The following MBNL2 variants were observed in gnomAD, a reference collection of about 807,000 sequenced individuals.
The protein encoded by MBNL2 is muscleblind-like protein 2.
A neutral mutation model predicts 41.9 loss-of-function variants in MBNL2; 17 were observed. The observed-to-expected ratio is 0.41, with a 90% CI of 0.28 to 0.61. The LOEUF (loss-of-function observed/expected upper bound fraction) is 0.61. Among genes scored for constraint, MBNL2 ranks in the 20% least tolerant of loss-of-function variants. The pLI, the probability that MBNL2 is intolerant of heterozygous loss-of-function variation, is 0.35. For missense variants in MBNL2, 336 were observed against 505.6 expected (o/e 0.66, Z 3.22); for synonymous variants, 195 against 182.9 (o/e 1.07, Z -0.53).
intron 2 of MBNL2, among the ~76,000 whole-genome samples, chr13:97,277,648 A>G (rs1421872388): frequency 6.6e-6 from 1 of 152,236 alleles, no homozygotes; most frequent in Non-Finnish European, 1.5e-5. Flanking sequence ...CAATACACTC[A>G]AAGCAGGAAA....
At chr13:97,159,729 C>A in the MBNL2 span, among the ~76,000 whole-genome samples, 5 of 151,624 alleles carry the variant, frequency 3.3e-5, no homozygotes, top group East Asian at 9.7e-4. Flanking sequence ...TTGGCCCCCA[C>A]TCTCTTCTGG....
At chr13:97,249,749 A>G (rs918400087) in intron 1 of MBNL2, among the ~76,000 whole-genome samples, 1 of 152,164 alleles carries the variant, frequency 6.6e-6, no homozygotes, top group Non-Finnish European at 1.5e-5. Flanking sequence ...ATATCTGAGA[A>G]GGTTTTTCAT....
intron 3 of MBNL2, among the ~76,000 whole-genome samples, chr13:97,339,166 T>C (rs1182073837): frequency 3.1e-4 from 1 of 3,258 alleles, no homozygotes; most frequent in Non-Finnish European, 1.0e-3. Context: ...GTGCTGTGAA[T>C]GTGTATGAGT....
the MBNL2 span, among the ~76,000 whole-genome samples, chr13:97,211,984 G>A: frequency 6.6e-6 from 1 of 152,064 alleles, no homozygotes; most frequent in Non-Finnish European, 1.5e-5. Context: ...GGGGAGATGG[G>A]GAAATATCTA....
chr13:97,356,893 A>G (rs770038102), intron 6 of MBNL2, 44 bp downstream of exon 6: 23 of 1,247,244 alleles, frequency 1.8e-5, no homozygotes, highest in Non-Finnish European at 2.3e-5. Flanking sequence ...AGCTTTTCAG[A>G]GAACCATCTG....
intron 1 of MBNL2, among the ~76,000 whole-genome samples, chr13:97,236,789 TGAAAG>T (rs2043363834): frequency 6.6e-6 from 1 of 152,188 alleles, no homozygotes; most frequent in Admixed American, 6.5e-5. Context: ...ATTAGAAACT[TGAAAG>T]GAAATGATCA....
chr13:97,354,529 A>T (rs893938931), intron 5 of MBNL2, among the ~76,000 whole-genome samples: 1 of 152,182 alleles, frequency 6.6e-6, no homozygotes, highest in Admixed American at 6.5e-5. Flanking sequence ...TGGTAGAAAG[A>T]GATACACGTC....
chr13:97,332,783 C>A (rs2060536234), intron 2 of MBNL2, among the ~76,000 whole-genome samples: 1 of 152,196 alleles, frequency 6.6e-6, no homozygotes, highest in African/African-American at 2.4e-5. Flanking sequence ...GTTGGCATTA[C>A]CCATTGTTAT....
chr13:97,247,616 G>C (rs2045723191), intron 1 of MBNL2, among the ~76,000 whole-genome samples: 1 of 152,162 alleles, frequency 6.6e-6, no homozygotes, highest in Admixed American at 6.5e-5. Flanking sequence ...TGGTTATTGA[G>C]GCAGTGGTGT....
intron 1 of MBNL2, among the ~76,000 whole-genome samples, chr13:97,263,460 C>T (rs922538296): frequency 6.6e-6 from 1 of 152,120 alleles, no homozygotes; most frequent in African/African-American, 2.4e-5. Flanking sequence ...TAATGAGGAC[C>T]ACACTACCCT....
chr13:97,267,414 T>C (rs1377050229), intron 1 of MBNL2, among the ~76,000 whole-genome samples: 1 of 152,224 alleles, frequency 6.6e-6, no homozygotes, highest in East Asian at 1.9e-4. Context: ...CGGCACATCC[T>C]TTGGCATTTC....
chr13:97,210,571 A>ATTTTTTTTTT, the MBNL2 span, among the ~76,000 whole-genome samples: 33 of 65,466 alleles, frequency 5.0e-4, 3 homozygotes, highest in African/African-American at 2.0e-3. Context: ...ACAACTGTGA[A>ATTTTTTTTTT]TTTTTTTTTT....
At chr13:97,177,699 C>A in the MBNL2 span, among the ~76,000 whole-genome samples, 1 of 151,988 alleles carries the variant, frequency 6.6e-6, no homozygotes. Context: ...CTGTTAGATA[C>A]AAAGACTGAA....
chr13:97,336,674 TACC>T, intron 3 of MBNL2, among the ~76,000 whole-genome samples: 1 of 152,284 alleles, frequency 6.6e-6, no homozygotes, highest in African/African-American at 2.4e-5. Flanking sequence ...AGGGCAGTCC[TACC>T]AACACCTTGA....
At chr13:97,348,267 C>T (rs1335631542) in intron 5 of MBNL2, among the ~76,000 whole-genome samples, 2 of 151,728 alleles carry the variant, frequency 1.3e-5, no homozygotes, top group Admixed American at 6.6e-5. Context: ...ACCATGTTGT[C>T]CAGGCTAGTC....
intron 7 of MBNL2, among the ~76,000 whole-genome samples, chr13:97,364,719 C>T (rs2063713887): frequency 6.6e-6 from 1 of 152,190 alleles, no homozygotes; most frequent in Admixed American, 6.5e-5. Flanking sequence ...TAGCCTTCCC[C>T]TTGACCCACA....
chr13:97,187,703 C>T, the MBNL2 span, among the ~76,000 whole-genome samples: 5 of 150,054 alleles, frequency 3.3e-5, no homozygotes, highest in Admixed American at 6.7e-5. Flanking sequence ...GTCAGGAGAT[C>T]GAGACCATCC....
chr13:97,200,286 G>A, the MBNL2 span, among the ~76,000 whole-genome samples: 1 of 152,236 alleles, frequency 6.6e-6, no homozygotes, highest in Admixed American at 6.5e-5. Flanking sequence ...TACCAGGTGA[G>A]CTGGTCGATT....
At chr13:97,220,278 ATCAAC>A (rs2040744041), upstream of MBNL2, among the ~76,000 whole-genome samples, 3 of 152,352 alleles carry the variant, frequency 2.0e-5, no homozygotes, top group South Asian at 6.2e-4. Flanking sequence ...AGATGGAAAA[ATCAAC>A]TCAGGCAAGC....
Sources: allele counts gnomAD v4.1 joint callset (sites outside exome capture counted in the v4.1 genomes callset), GRCh38; gene constraint gnomAD v4.1.1; transcripts MANE v1.5; gene names NCBI Gene and HGNC (gene_info 2026-07-23, HGNC 2026-07-21).